The following BLTP1 variants were observed in gnomAD, a reference collection of about 807,000 sequenced individuals.
BLTP1 encodes fragile site-associated protein.
chr4:122,301,459 A>T, the BLTP1 span: 4 of 940,672 alleles, frequency 4.3e-6, no homozygotes, highest in Middle Eastern at 3.4e-4. Flanking sequence ...TATGCTTGTT[A>T]TAGAAAATTT....
the BLTP1 span, chr4:122,362,475 G>T: frequency 2.9e-6 from 1 of 339,124 alleles, no homozygotes; most frequent in Non-Finnish European, 5.4e-6. Context: ...ATAACTGCTT[G>T]TTATGGTTTA....
the BLTP1 span, chr4:122,267,612 T>C: frequency 3.1e-6 from 3 of 977,700 alleles, no homozygotes; most frequent in South Asian, 1.4e-4. Flanking sequence ...TGTCAGGTAG[T>C]ATTTTGTATT....
chr4:122,264,309 C>G, the BLTP1 span: 2 of 1,610,720 alleles, frequency 1.2e-6, no homozygotes, highest in South Asian at 2.2e-5. Flanking sequence ...ACTGTCTTGT[C>G]TAGTGACCAA....
the BLTP1 span, chr4:122,170,464 T>A: frequency 6.9e-6 from 9 of 1,302,016 alleles, no homozygotes; most frequent in Non-Finnish European, 7.9e-6. Flanking sequence ...TGTGGGCATT[T>A]TTGTTGTATT....
At chr4:122,189,669 G>T in the BLTP1 span, 2 of 925,050 alleles carry the variant, frequency 2.2e-6, no homozygotes, top group South Asian at 1.0e-4. Context: ...GTTTTAAATC[G>T]ATTTCTCTCA....
At chr4:122,189,901 T>TG in the BLTP1 span, 1 of 1,485,984 alleles carries the variant, frequency 6.7e-7, no homozygotes. Flanking sequence ...TAGTTTTTTT[T>TG]TCCTTTTCTT....
the BLTP1 span, chr4:122,207,631 CTT>C: frequency 6.3e-7 from 1 of 1,591,132 alleles, no homozygotes; most frequent in South Asian, 1.1e-5. Context: ...ACCAAGTTCT[CTT>C]TAAGAGTATG....
At chr4:122,232,512 C>T in the BLTP1 span, among the ~76,000 whole-genome samples, 11 of 152,102 alleles carry the variant, frequency 7.2e-5, no homozygotes, top group East Asian at 1.2e-3. Context: ...GAGGCTGAGG[C>T]GGGAGAATCG....
the BLTP1 span, among the ~76,000 whole-genome samples, chr4:122,278,549 C>G: frequency 2.6e-5 from 4 of 152,212 alleles, no homozygotes; most frequent in Non-Finnish European, 4.4e-5. Context: ...TGAAATCACT[C>G]TCTTAATAAG....
chr4:122,210,768 AGTTGAT>A, the BLTP1 span: 12 of 1,257,128 alleles, frequency 9.5e-6, no homozygotes, highest in African/African-American at 1.7e-4. Flanking sequence ...TGTAAAGATT[AGTTGAT>A]GTCATATTTG....
the BLTP1 span, chr4:122,155,016 C>T: frequency 1.3e-6 from 1 of 769,994 alleles, no homozygotes; most frequent in Non-Finnish European, 1.6e-6. Context: ...GATTAAGAAG[C>T]AGTGTAATTC....
chr4:122,271,309 C>T, the BLTP1 span: 1 of 1,613,930 alleles, frequency 6.2e-7, no homozygotes, highest in Non-Finnish European at 8.5e-7. Flanking sequence ...TTAAACTTAG[C>T]AGATATACAG....
chr4:122,262,522 A>T, the BLTP1 span, among the ~76,000 whole-genome samples: 2 of 152,154 alleles, frequency 1.3e-5, no homozygotes, highest in East Asian at 3.9e-4. Flanking sequence ...GATGTGCTTC[A>T]TTATAATATT....
chr4:122,183,877 A>G, the BLTP1 span, among the ~76,000 whole-genome samples: 1 of 152,144 alleles, frequency 6.6e-6, no homozygotes, highest in Non-Finnish European at 1.5e-5. Context: ...AATACTGAAA[A>G]TAATTGAGAT....
At chr4:122,192,223 A>G in the BLTP1 span, 1 of 1,612,310 alleles carries the variant, frequency 6.2e-7, no homozygotes, top group Non-Finnish European at 8.5e-7. Context: ...ATGTTCTGGA[A>G]TATAGGACTT....
At chr4:122,211,972 A>T in the BLTP1 span, 1 of 619,272 alleles carries the variant, frequency 1.6e-6, no homozygotes, top group Non-Finnish European at 2.0e-6. Context: ...CACTTTCAAC[A>T]ACTTAAGAAA....
the BLTP1 span, among the ~76,000 whole-genome samples, chr4:122,267,939 A>G: frequency 6.6e-5 from 10 of 152,240 alleles, no homozygotes; most frequent in Middle Eastern, 6.8e-3. Context: ...GTGGTAAATT[A>G]AAATACTTGT....
chr4:122,270,229 TA>T, the BLTP1 span: 1 of 275,846 alleles, frequency 3.6e-6, no homozygotes, highest in Non-Finnish European at 5.5e-6. Flanking sequence ...TCTGTAGTTA[TA>T]AATTCTTTAA....
At chr4:122,349,968 A>T in the BLTP1 span, 1 of 1,613,834 alleles carries the variant, frequency 6.2e-7, no homozygotes, top group Admixed American at 1.7e-5. The surrounding 1 kb of genome is among the most constrained non-coding windows in gnomAD (Gnocchi z 4.5). Context: ...AATTTTTCAC[A>T]CAACAATTTG....
Sources: gnomAD v4.1 joint callset for allele counts (sites outside exome capture counted in the v4.1 genomes callset) on GRCh38, gnomAD v4.1.1 for gene constraint, Gnocchi (gnomAD v3.1) non-coding constraint, MANE v1.5 for transcripts, NCBI Gene and HGNC (gene_info 2026-07-23, HGNC 2026-07-21) for gene names.